The following LMCD1 variants were observed in gnomAD, a reference collection of about 807,000 sequenced individuals.
LMCD1 encodes the protein LIM and cysteine-rich domains protein 1.
A neutral mutation model predicts 42.7 loss-of-function variants in LMCD1; 32 were observed. That is an observed-to-expected ratio of 0.75 (90% confidence interval 0.57 to 1.01). The LOEUF is 1.01. Ranked by LOEUF, LMCD1 falls within the 50% of genes least tolerant of loss-of-function variation. The pLI is 0.00. For missense variants in LMCD1, 458 were observed against 483.1 expected (o/e 0.95, Z 0.49); for synonymous variants, 178 against 184.9 (o/e 0.96, Z 0.30).
At position 8,549,733 on chromosome 3, in the gene LMCD1, G is replaced by A; in HGVS notation, c.723+830G>A. 4.4e-6 allele frequency: 3 copies of A among 688,684 alleles called. No individual in the cohort carries two copies. In the South Asian group the frequency reaches 4.6e-5, roughly 10 times the overall value. The allele number at this position is 688,684 out of a possible 1,614,324, so 42.7% of individuals were successfully genotyped here. A position where few individuals can be genotyped will look rare whatever the true frequency, so the allele number is the denominator to read the frequency against. ...TGTATTTCATACATCTGTGGAGGCT[G>A]AGAAGTCCAAGGCCAAGGGGCTGCA... On this transcript the variant is annotated intron_variant, in intron 4 of 5. Transcript: ENST00000157600.
In LMCD1 at chr3:8,569,558, A is replaced by G. The variant is rs1199564947; in HGVS notation, c.*1960A>G. On this transcript the variant is annotated 3_prime_UTR_variant, in exon 6 of 6. Transcript: ENST00000157600. Reference sequence around the variant, plus strand: ...CTGTGGGGGAGATGGGCCTCAAGCAAATATTCTCACAAGTCAATGCAAAAT... The same window carrying G: ...CTGTGGGGGAGATGGGCCTCAAGCAGATATTCTCACAAGTCAATGCAAAAT... The G allele has an allele frequency of 6.6e-6, 1 of 152,194 alleles. No homozygotes were observed. The highest frequency in any genetic ancestry group is 1.5e-5 in the Non-Finnish European group (1 of 68,052). 9.4% of individuals were successfully genotyped at this position (152,194 alleles called of 1,614,324 possible). A position where few individuals can be genotyped will look rare whatever the true frequency, so the allele number is the denominator to read the frequency against.
intron 1 of LMCD1, among the ~76,000 whole-genome samples, chr3:8,531,268 C>A (rs780064535): frequency 2.6e-5 from 4 of 152,202 alleles, no homozygotes; most frequent in Non-Finnish European, 5.9e-5. Flanking sequence ...TTTTACCTTG[C>A]ACATTTTCTT....
intron 1 of LMCD1, among the ~76,000 whole-genome samples, chr3:8,511,127 C>G (rs996219036): frequency 6.6e-6 from 1 of 152,158 alleles, no homozygotes; most frequent in Non-Finnish European, 1.5e-5. Flanking sequence ...ATAAAAGGGG[C>G]CTAAAAGTTA....
chr3:8,551,416 T>C (rs1694835931), intron 4 of LMCD1: 1 of 891,768 alleles, frequency 1.1e-6, no homozygotes, highest in Non-Finnish European at 1.3e-6. Context: ...GGGTCTATCT[T>C]TAATTCTTAC....
At chr3:8,541,344 G>A (rs545219738) in intron 3 of LMCD1, among the ~76,000 whole-genome samples, 1 of 152,230 alleles carries the variant, frequency 6.6e-6, no homozygotes, top group South Asian at 2.1e-4. Flanking sequence ...GAGGTCAGGA[G>A]TTTGAGACCA....
chr3:8,540,390 C>T (rs1181187335), intron 3 of LMCD1, among the ~76,000 whole-genome samples: 2 of 152,210 alleles, frequency 1.3e-5, no homozygotes, highest in Non-Finnish European at 2.9e-5. Flanking sequence ...ACAATCTCAT[C>T]TAATTATCCA....
chr3:8,549,235 G>A (rs1694796916), intron 4 of LMCD1, among the ~76,000 whole-genome samples: 2 of 152,284 alleles, frequency 1.3e-5, no homozygotes, highest in South Asian at 2.1e-4. Context: ...ATGTCTAGGG[G>A]TCATCCAAGC....
intron 5 of LMCD1, among the ~76,000 whole-genome samples, chr3:8,565,914 TAGC>T (rs1447602430): frequency 2.0e-5 from 3 of 152,222 alleles, no homozygotes; most frequent in African/African-American, 7.2e-5. Flanking sequence ...ACTCAGAACA[TAGC>T]AGGATGAACC....
chr3:8,502,091 C>A (rs558606010), intron 1 of LMCD1, 111 bp downstream of exon 1: 5 of 904,794 alleles, frequency 5.5e-6, no homozygotes, highest in African/African-American at 3.5e-5. Context: ...TCTTTAAATT[C>A]CAAAACTGCA....
chr3:8,507,290 T>C (rs1693903174), intron 1 of LMCD1, among the ~76,000 whole-genome samples: 1 of 152,150 alleles, frequency 6.6e-6, no homozygotes, highest in Admixed American at 6.5e-5. Flanking sequence ...TGAAGTTGAG[T>C]CTCCTGTGTT....
At position 8,549,840 on chromosome 3, in the gene LMCD1, G is replaced by A. The variant is rs1694808904; in HGVS notation, c.723+937G>A. On this transcript the variant is annotated intron_variant, in intron 4 of 5. Transcript: ENST00000157600. ...GGGCATCATGTGGCAAGGGGGCTGG[G>A]TGTGCTAACTCGGGTCTCTCTTCCT... is the stretch of plus-strand genomic sequence containing the variant. 4.2e-6 allele frequency: 3 copies of A among 707,062 alleles called. No individual in the cohort carries two copies. The South Asian group carries it at 4.4e-5, about 10-fold the overall frequency. The allele number at this position is 707,062 out of a possible 1,614,324, so 43.8% of individuals were successfully genotyped here.
chr3:8,502,456 C>T (rs1693778589), intron 1 of LMCD1, among the ~76,000 whole-genome samples: 2 of 118,102 alleles, frequency 1.7e-5, no homozygotes, highest in Non-Finnish European at 1.7e-5. Flanking sequence ...GGAAAAACCC[C>T]TAGCTTCCTC....
intron 4 of LMCD1, among the ~76,000 whole-genome samples, chr3:8,552,576 C>T (rs1044402387): frequency 6.6e-6 from 1 of 152,186 alleles, no homozygotes; most frequent in Admixed American, 6.5e-5. Context: ...TGATGCTGGT[C>T]TGGGGCTACA....
Position 8,570,412 on chromosome 3 carries a change from CA to C in LMCD1, c.*2815del, listed in dbSNP as rs140430983. 4,856 of 152,404 alleles carry C rather than the reference CA, an allele frequency of 0.032. 193 individuals are homozygous for C. The highest frequency in any genetic ancestry group is 0.089 in the African/African-American group (3,692 of 41,520). The allele number at this position is 152,404 out of a possible 1,614,324, so 9.4% of individuals were successfully genotyped here. ...GCATGATTGACTTGGTCCACTGGGT[CA>C]CACCATCATGGATGGGCATTATCTC... On this transcript the variant is annotated 3_prime_UTR_variant, in exon 6 of 6. Transcript: ENST00000157600.
intron 1 of LMCD1, among the ~76,000 whole-genome samples, chr3:8,504,639 C>T (rs9848605): frequency 0.39 from 58,774 of 152,176 alleles, 12,232 homozygotes; most frequent in Non-Finnish European, 0.46. Flanking sequence ...ATACATACAT[C>T]GTGGCAGAGC....
At chr3:8,502,344 T>C (rs1358168033) in intron 1 of LMCD1, among the ~76,000 whole-genome samples, 1 of 87,014 alleles carries the variant, frequency 1.1e-5, no homozygotes, top group Non-Finnish European at 2.1e-5. Flanking sequence ...ATATTATATA[T>C]AAAATATATA....
At position 8,569,145 on chromosome 3, in the gene LMCD1, AT is replaced by A. The variant is rs1695175622; in HGVS notation, c.*1550del. On this transcript the variant is annotated 3_prime_UTR_variant, in exon 6 of 6. Transcript: ENST00000157600. ...AGTTAACAACCAAGTCCTCATGGAC[AT>A]TTGAATCCTTCCAAAACTTGGCTTA... The A allele has an allele frequency of 6.6e-6, 1 of 152,212 alleles. No individual in the cohort carries two copies. Among genetic ancestry groups the A allele is most frequent in the Admixed American group, 6.5e-5 (1 of 15,284 alleles). 9.4% of individuals were successfully genotyped at this position (152,212 alleles called of 1,614,324 possible). A position where few individuals can be genotyped will look rare whatever the true frequency, so the allele number is the denominator to read the frequency against.
chr3:8,567,004 CAG>C (rs1343584625), intron 5 of LMCD1, among the ~76,000 whole-genome samples: 1 of 152,210 alleles, frequency 6.6e-6, no homozygotes, highest in Non-Finnish European at 1.5e-5. Flanking sequence ...TCCTGAGCCT[CAG>C]GGGATCCTTA....
At position 8,537,179 on chromosome 3, in the gene LMCD1, C is replaced by T. The variant is rs200913117; in HGVS notation, c.132-6C>T. On this transcript the variant is annotated splice_region_variant and splice_polypyrimidine_tract_variant and intron_variant, in intron 2 of 5. Coordinates refer to ENST00000157600, the MANE Select transcript of LMCD1 (RefSeq NM_014583.4). ...ATCTCACTGGTCCCCATCCACCCAC[C>T]CCCAGGAAAATATGCAAGTCTTGCA... 1 of 1,612,814 alleles carries T rather than the reference C, an allele frequency of 6.2e-7. No homozygotes were observed. The highest frequency in any genetic ancestry group is 8.5e-7 in the Non-Finnish European group (1 of 1,179,094).
Sources: allele counts gnomAD v4.1 joint callset (sites outside exome capture counted in the v4.1 genomes callset), GRCh38; gene constraint gnomAD v4.1.1; transcripts MANE v1.5; gene names NCBI Gene and HGNC (gene_info 2026-07-23, HGNC 2026-07-21).